LAPTM5: variants seen among roughly 807,000 people sequenced by gnomAD.
LAPTM5 encodes lysosomal-associated transmembrane protein 5.
In LAPTM5, 11 loss-of-function variants were observed where a neutral mutation model predicts 30.1. The ratio of observed to expected loss-of-function variants is 0.37; its 90% CI spans 0.23 to 0.60. The LOEUF is 0.60. Ranked by LOEUF, LAPTM5 falls within the 20% of genes least tolerant of loss-of-function variation. LAPTM5 has a pLI of 0.71. For synonymous variants in LAPTM5, 151 were observed against 137.9 expected, an observed-to-expected ratio of 1.10 and a Z score of -0.67; for missense variants, 324 against 332.5, an observed-to-expected ratio of 0.97 and a Z score of 0.20.
chr1:30,750,901 A>G (rs1488082627), intron 1 of LAPTM5, among the ~76,000 whole-genome samples: 1 of 152,218 alleles, frequency 6.6e-6, no homozygotes, highest in African/African-American at 2.4e-5. Flanking sequence ...GCCCCTGTGC[A>G]GGGCTGAGGC....
Position 30,750,857 on chromosome 1 carries a change from T to C in LAPTM5, c.87+6802A>G, listed in dbSNP as rs140301275. On this transcript the variant is annotated intron_variant, in intron 1 of 7. Transcript: ENST00000294507. Reference sequence around the variant, plus strand: ...GAATCCCACTTGACCAGGGAGGAAATTGAGGCTGGGGGACGGGTGCCTTGT... The same window carrying C: ...GAATCCCACTTGACCAGGGAGGAAACTGAGGCTGGGGGACGGGTGCCTTGT... 2.9e-3 allele frequency among the ~76,000 whole-genome samples: 442 copies of C among 152,302 alleles called. 3 individuals are homozygous for C. Among genetic ancestry groups the C allele is most frequent in the South Asian group, 0.017 (80 of 4,826 alleles).
chr1:30,737,223 T>C (rs1242676231), intron 6 of LAPTM5, among the ~76,000 whole-genome samples: 2 of 152,140 alleles, frequency 1.3e-5, no homozygotes, highest in East Asian at 3.9e-4. Context: ...CTGAATTACA[T>C]AAAACTGTAA....
intron 1 of LAPTM5, among the ~76,000 whole-genome samples, chr1:30,755,242 C>G (rs1247553495): frequency 6.6e-6 from 1 of 151,676 alleles, no homozygotes; most frequent in Non-Finnish European, 1.5e-5. Context: ...TCACAAGTGG[C>G]AGGGTAGGGA....
chr1:30,747,765 C>T (rs553306940), intron 1 of LAPTM5, among the ~76,000 whole-genome samples: 108 of 152,214 alleles, frequency 7.1e-4, no homozygotes, highest in African/African-American at 2.5e-3. Flanking sequence ...ATAAGGATGG[C>T]GGTACCAGAG....
intron 1 of LAPTM5, among the ~76,000 whole-genome samples, chr1:30,747,104 G>T (rs917271917): frequency 7.2e-5 from 11 of 152,204 alleles, no homozygotes; most frequent in African/African-American, 2.4e-4. Flanking sequence ...TGATGAGGGA[G>T]AGCGCATTGC....
intron 5 of LAPTM5, among the ~76,000 whole-genome samples, chr1:30,738,486 T>A (rs1639921279): frequency 6.6e-6 from 1 of 152,118 alleles, no homozygotes; most frequent in Admixed American, 6.5e-5. Context: ...CCAGGTACCA[T>A]CTCTGGTGCA....
rs140239823 is a variant in LAPTM5 at position 30,739,836 on chromosome 1, G to A, written c.360C>T (p.Tyr120=). Residue 120 remains tyrosine (Y), a synonymous_variant, in exon 4 of 8, where the codon TAC becomes TAT. Transcript: ENST00000294507. The surrounding 1 kb of genome is among the most constrained non-coding windows in gnomAD (Gnocchi z 4.2). The stretch of plus-strand genomic sequence containing the variant: ...CACGGCTCCGGGAGGCCAACTTGAG[G>A]TAGGCGGGCAGCTCAATGTAGGAGC... ...LLGSYIELPA[Y]LKLASRSRAS... is the part of the protein sequence containing the mutation. 7.2e-5 allele frequency: 115 copies of A among 1,605,468 alleles called. 1 individual carries two copies. The African/African-American group carries it at 1.2e-3, about 16-fold the overall frequency.
At chr1:30,749,164 A>G (rs189738640) in intron 1 of LAPTM5, among the ~76,000 whole-genome samples, 1 of 152,364 alleles carries the variant, frequency 6.6e-6, no homozygotes, top group African/African-American at 2.4e-5. Context: ...ATACACAGCA[A>G]TGGAAAAAAT....
intron 1 of LAPTM5, among the ~76,000 whole-genome samples, chr1:30,753,072 G>A (rs953513932): frequency 5.0e-5 from 7 of 141,408 alleles, no homozygotes; most frequent in Non-Finnish European, 1.1e-4. Context: ...ATGAGCCACC[G>A]CACCTGGCCG....
At chr1:30,743,470 C>T (rs1001387855) in intron 1 of LAPTM5, among the ~76,000 whole-genome samples, 14 of 152,164 alleles carry the variant, frequency 9.2e-5, no homozygotes, top group African/African-American at 3.4e-4. Context: ...TTGGAGGTCA[C>T]CTTATCCATG....
intron 1 of LAPTM5, among the ~76,000 whole-genome samples, chr1:30,755,534 C>T (rs748547372): frequency 6.6e-6 from 1 of 152,132 alleles, no homozygotes; most frequent in African/African-American, 2.4e-5. Context: ...CAAACTCTCC[C>T]TCCTGCCAAT....
At chr1:30,741,800 C>A in intron 2 of LAPTM5, 84 bp from the exon 3 acceptor site, 2 of 996,212 alleles carry the variant, frequency 2.0e-6, no homozygotes, top group Admixed American at 2.5e-5. Context: ...TGGGGAACCA[C>A]TGGTTTGGGG....
intron 1 of LAPTM5, among the ~76,000 whole-genome samples, chr1:30,757,345 G>T (rs897099504): frequency 6.6e-6 from 1 of 152,146 alleles, no homozygotes; most frequent in African/African-American, 2.4e-5. Context: ...ATAACCTTCC[G>T]GCTGCTGCTG....
intron 6 of LAPTM5, among the ~76,000 whole-genome samples, chr1:30,735,792 A>G (rs1401688050): frequency 6.6e-6 from 1 of 152,234 alleles, no homozygotes; most frequent in Non-Finnish European, 1.5e-5. Context: ...AGTGGGGCAT[A>G]CAATCCCAAG....
chr1:30,754,287 G>A (rs777235335), intron 1 of LAPTM5, among the ~76,000 whole-genome samples: 21 of 152,064 alleles, frequency 1.4e-4, no homozygotes, highest in Admixed American at 2.6e-4. Context: ...ATCCCAGCGC[G>A]TTGGGAGGCC....
At chr1:30,741,541 A>T in intron 3 of LAPTM5, 99 bp downstream of exon 3, 1 of 770,418 alleles carries the variant, frequency 1.3e-6, no homozygotes, top group East Asian at 3.2e-5. Flanking sequence ...ACCGCCTAAC[A>T]TACCCGCCTC....
Position 30,741,701 on chromosome 1 carries a change from C to G in LAPTM5, c.197G>C (p.Ser66Thr), listed in dbSNP as rs144849255. Residue 66 changes from serine to threonine, a missense_variant, in exon 3 of 8, where the codon AGC becomes ACC. Ser to Thr is a moderately conservative substitution (Grantham distance 58). Transcript: ENST00000294507. Reference sequence around the variant, plus strand: ...GAAGAGCATGGTGATGAGCAGGAAGCTGGAGATCAGGTCAGCTGAAAGGCA... The same window carrying G: ...GAAGAGCATGGTGATGAGCAGGAAGGTGGAGATCAGGTCAGCTGAAAGGCA... ...GYLRIADLIS[S>T]FLLITMLFII... The G allele has an allele frequency of 9.2e-5, 148 of 1,607,564 alleles. No homozygotes were observed. Among genetic ancestry groups the G allele is most frequent in the Non-Finnish European group, 1.2e-4 (140 of 1,176,982 alleles).
At chr1:30,736,574 CA>C (rs1364279538) in intron 6 of LAPTM5, among the ~76,000 whole-genome samples, 1 of 151,960 alleles carries the variant, frequency 6.6e-6, no homozygotes, top group Non-Finnish European at 1.5e-5. Context: ...GCTGGGACTA[CA>C]GGCACACGCC....
rs75149979 is a variant in LAPTM5, at chr1:30,739,459, G to T, written c.387+350C>A. Among the ~76,000 whole-genome samples the T allele has an allele frequency of 0.012, 1,856 of 152,302 alleles. 34 individuals carry two copies. Among genetic ancestry groups the T allele is most frequent in the African/African-American group, 0.042 (1,754 of 41,548 alleles). ...CTTTCTTCAACTTGGTTCCAAAGAA[G>T]AAATAATACTGGGGGCTGGGGGCTA... On this transcript the variant is annotated intron_variant, in intron 4 of 7. Transcript: ENST00000294507. This position sits in a 1 kb window ranked among gnomAD's most constrained non-coding sequence, Gnocchi z 4.2.
Sources: gnomAD v4.1 joint callset for allele counts (sites outside exome capture counted in the v4.1 genomes callset) on GRCh38, gnomAD v4.1.1 for gene constraint, Gnocchi (gnomAD v3.1) non-coding constraint, MANE v1.5 for transcripts, NCBI Gene and HGNC (gene_info 2026-07-23, HGNC 2026-07-21) for gene names.